Variants in DMC1 observed in about 807,000 individuals in gnomAD.
The protein encoded by DMC1 is meiotic recombination protein DMC1 homolog.
Under a neutral mutation model 50.1 loss-of-function variants are expected in DMC1, and 27 were observed. The ratio of observed to expected loss-of-function variants is 0.54; its 90% CI spans 0.40 to 0.74. The LOEUF (loss-of-function observed/expected upper bound fraction) is 0.74. Ranked by LOEUF, DMC1 falls within the 30% of genes least tolerant of loss-of-function variation. The pLI is 0.00. For synonymous variants in DMC1, 148 were observed against 136.1 expected (o/e 1.09, Z -0.61); for missense variants, 295 against 420.2 (o/e 0.70, Z 2.60).
chr22:38,530,112 A>G (rs1602721094), intron 12 of DMC1, among the ~76,000 whole-genome samples: 1 of 151,414 alleles, frequency 6.6e-6, no homozygotes, highest in Non-Finnish European at 1.5e-5. Context: ...GATTACAGGA[A>G]CCCCCCACCA....
intron 12 of DMC1, among the ~76,000 whole-genome samples, chr22:38,533,949 T>C (rs953608528): frequency 2.0e-5 from 3 of 152,236 alleles, no homozygotes; most frequent in African/African-American, 4.8e-5. Context: ...GTAGTTTTCC[T>C]GTCAAAATGC....
intron 7 of DMC1, among the ~76,000 whole-genome samples, chr22:38,552,267 A>T (rs1367325509): frequency 1.3e-5 from 2 of 152,152 alleles, no homozygotes; most frequent in Non-Finnish European, 2.9e-5. Context: ...TTTGTTTAAA[A>T]CAATTTTGTT....
chr22:38,555,504 G>T, intron 5 of DMC1, 95 bp from the exon 6 acceptor site: 2 of 814,554 alleles, frequency 2.5e-6, no homozygotes, highest in South Asian at 2.8e-5. Context: ...TCCTATCTAT[G>T]TATCTATCTA....
chr22:38,538,907 G>A (rs1271134562), intron 9 of DMC1, among the ~76,000 whole-genome samples: 1 of 151,878 alleles, frequency 6.6e-6, no homozygotes, highest in African/African-American at 2.4e-5. Flanking sequence ...GTGGTGGCGT[G>A]TGCCTGTAAT....
At position 38,519,981 on chromosome 22, in the gene DMC1, C is replaced by T. The variant is rs11570434; in HGVS notation, c.*39G>A. The T allele has an allele frequency of 1.0e-3, 1,555 of 1,542,490 alleles. 11 individuals are homozygous for T. In the African/African-American group the frequency reaches 0.019, roughly 19 times the overall value. ...GACTGCTTTTCCATTTCTTCAGCTC[C>T]TAATAAGCACTAAGAAGCAATTTGC... is the stretch of plus-strand genomic sequence containing the variant. On this transcript the variant is annotated 3_prime_UTR_variant, in exon 14 of 14. Transcript: ENST00000216024.
At chr22:38,531,978 C>G (rs2090156877) in intron 12 of DMC1, among the ~76,000 whole-genome samples, 1 of 152,092 alleles carries the variant, frequency 6.6e-6, no homozygotes, top group African/African-American at 2.4e-5. Context: ...TTTCCTTTGC[C>G]TTCTAACTCT....
chr22:38,560,236 A>C (rs1211986912), intron 5 of DMC1, among the ~76,000 whole-genome samples: 1 of 152,142 alleles, frequency 6.6e-6, no homozygotes, highest in Non-Finnish European at 1.5e-5. Context: ...AGATGACAGC[A>C]AGCCATGTAG....
chr22:38,510,134 G>A, the DMC1 span, among the ~76,000 whole-genome samples: 1 of 151,882 alleles, frequency 6.6e-6, no homozygotes, highest in Admixed American at 6.6e-5. Flanking sequence ...GCTTGAATTG[G>A]GGAGGTGGAG....
chr22:38,535,767 C>T (rs2090204835), intron 12 of DMC1, among the ~76,000 whole-genome samples: 1 of 151,748 alleles, frequency 6.6e-6, no homozygotes, highest in African/African-American at 2.4e-5. Flanking sequence ...ACCACCATGC[C>T]TGGCTAGTTT....
intron 12 of DMC1, among the ~76,000 whole-genome samples, chr22:38,528,388 A>G (rs1042905195): frequency 3.9e-5 from 6 of 152,056 alleles, no homozygotes; most frequent in Non-Finnish European, 8.8e-5. Context: ...TATACATACA[A>G]GGCTCCTATG....
the DMC1 span, among the ~76,000 whole-genome samples, chr22:38,513,887 A>G: frequency 6.6e-6 from 1 of 152,244 alleles, no homozygotes; most frequent in Admixed American, 6.5e-5. Context: ...ATCTATGAGG[A>G]AAAAGGCATG....
intron 12 of DMC1, among the ~76,000 whole-genome samples, chr22:38,535,919 G>T (rs776625404): frequency 1.9e-4 from 28 of 150,544 alleles, no homozygotes; most frequent in Non-Finnish European, 3.2e-4. Flanking sequence ...GCCTTTAAAA[G>T]ATTTTTTTAA....
the DMC1 span, among the ~76,000 whole-genome samples, chr22:38,510,320 T>A: frequency 6.6e-6 from 1 of 151,606 alleles, no homozygotes; most frequent in Non-Finnish European, 1.5e-5. Context: ...CCAGGTGTGA[T>A]GGTGGGCGCC....
chr22:38,523,293 C>T (rs1015903956), intron 12 of DMC1, among the ~76,000 whole-genome samples: 1 of 152,248 alleles, frequency 6.6e-6, no homozygotes, highest in Non-Finnish European at 1.5e-5. Context: ...GATAAAATAG[C>T]TAGATAAGTG....
At chr22:38,537,704 TAA>T (rs1264764360) in intron 11 of DMC1, 52 bp from the exon 12 acceptor site, 1 of 1,376,136 alleles carries the variant, frequency 7.3e-7, no homozygotes, top group East Asian at 2.3e-5. Flanking sequence ...TATAGATATT[TAA>T]AAGTTCATTG....
chr22:38,528,627 A>T (rs1188964111), intron 12 of DMC1, among the ~76,000 whole-genome samples: 1 of 151,884 alleles, frequency 6.6e-6, no homozygotes, highest in African/African-American at 2.4e-5. Context: ...CTGTACAAAA[A>T]ATGCAAAAAA....
intron 5 of DMC1, among the ~76,000 whole-genome samples, chr22:38,558,795 A>C (rs2090495310): frequency 6.6e-6 from 1 of 152,322 alleles, no homozygotes; most frequent in South Asian, 2.1e-4. Flanking sequence ...AGGGCACCAG[A>C]AAACTCACAA....
intron 13 of DMC1, 65 bp from the exon 14 acceptor site, chr22:38,520,154 T>A (rs2090008807): frequency 7.5e-7 from 1 of 1,331,988 alleles, no homozygotes; most frequent in Non-Finnish European, 1.1e-6. Flanking sequence ...TATATTCATG[T>A]CACAGGCATT....
chr22:38,526,708 A>G (rs1251800384), intron 12 of DMC1, among the ~76,000 whole-genome samples: 1 of 152,154 alleles, frequency 6.6e-6, no homozygotes. Context: ...AGTCCTTGCT[A>G]TGTGGCAGAC....
Sources: gnomAD v4.1 joint callset for allele counts (sites outside exome capture counted in the v4.1 genomes callset) on GRCh38, gnomAD v4.1.1 for gene constraint, MANE v1.5 for transcripts, NCBI Gene and HGNC (gene_info 2026-07-23, HGNC 2026-07-21) for gene names.